Variants in ACTR3C observed in about 807,000 individuals in gnomAD.
ACTR3C encodes actin related protein 3C.
A neutral mutation model predicts 26.3 loss-of-function variants in ACTR3C; 18 were observed. That is an observed-to-expected ratio of 0.68 (90% confidence interval 0.47 to 1.01). ACTR3C has a LOEUF of 1.01. Ranked by LOEUF, ACTR3C falls within the 50% of genes least tolerant of loss-of-function variation. ACTR3C has a pLI of 0.00. For missense variants in ACTR3C, 184 were observed against 250.7 expected (o/e 0.73, Z 1.80); for synonymous variants, 55 against 94.5 (o/e 0.58, Z 2.42).
chr7:150,026,753 A>AG, the ACTR3C span, among the ~76,000 whole-genome samples: 1 of 152,126 alleles, frequency 6.6e-6, no homozygotes. Context: ...TATGTCATTC[A>AG]GGAAAAAAAA....
the ACTR3C span, among the ~76,000 whole-genome samples, chr7:150,175,131 C>A: frequency 1.4e-5 from 2 of 145,478 alleles, no homozygotes; most frequent in African/African-American, 2.8e-5. Context: ...ATGATTCTAG[C>A]AATTTAAAGT....
chr7:150,035,136 T>G, the ACTR3C span, among the ~76,000 whole-genome samples: 3 of 130,408 alleles, frequency 2.3e-5, no homozygotes, highest in East Asian at 2.3e-4. Flanking sequence ...CTAAGGATCT[T>G]AGGATCAACG....
chr7:150,205,085 A>G, the ACTR3C span, among the ~76,000 whole-genome samples: 1 of 152,222 alleles, frequency 6.6e-6, no homozygotes. Flanking sequence ...TGTAAATGAT[A>G]CTATTTGTGA....
the ACTR3C span, among the ~76,000 whole-genome samples, chr7:149,922,003 T>C: frequency 6.7e-6 from 1 of 150,054 alleles, no homozygotes; most frequent in Non-Finnish European, 1.5e-5. Flanking sequence ...CCATGATGGG[T>C]CCTTTCTGCT....
the ACTR3C span, among the ~76,000 whole-genome samples, chr7:150,043,998 T>A: frequency 6.6e-6 from 1 of 152,188 alleles, no homozygotes; most frequent in Non-Finnish European, 1.5e-5. Flanking sequence ...CTGGTGGACA[T>A]CATGGGTGGT....
At chr7:150,006,299 G>C in the ACTR3C span, among the ~76,000 whole-genome samples, 380 of 150,506 alleles carry the variant, frequency 2.5e-3, 1 homozygote, top group African/African-American at 5.0e-3. Flanking sequence ...TGGGTTCACA[G>C]CATTCTCCTG....
chr7:150,158,720 C>G, the ACTR3C span, among the ~76,000 whole-genome samples: 1 of 152,162 alleles, frequency 6.6e-6, no homozygotes, highest in African/African-American at 2.4e-5. Context: ...CTCTGCAGAT[C>G]TAATGTATAT....
the ACTR3C span, among the ~76,000 whole-genome samples, chr7:150,064,228 C>T: frequency 3.4e-5 from 5 of 147,752 alleles, no homozygotes; most frequent in East Asian, 2.0e-4. Context: ...GTAAGCAAGA[C>T]ATTTGAAGCT....
At chr7:150,220,720 G>C in the ACTR3C span, among the ~76,000 whole-genome samples, 2 of 152,282 alleles carry the variant, frequency 1.3e-5, no homozygotes, top group African/African-American at 2.4e-5. Context: ...GGGGAAACCC[G>C]CGAAAGCCAG....
the ACTR3C span, among the ~76,000 whole-genome samples, chr7:150,211,970 C>A: frequency 1.4e-5 from 2 of 146,248 alleles, no homozygotes; most frequent in South Asian, 4.2e-4. Context: ...TGCCTAAATG[C>A]CTTATGATCT....
chr7:150,000,045 C>T, the ACTR3C span, among the ~76,000 whole-genome samples: 1 of 148,584 alleles, frequency 6.7e-6, no homozygotes, highest in Non-Finnish European at 1.5e-5. Flanking sequence ...CTAGTATAGT[C>T]ATTATACTAT....
the ACTR3C span, among the ~76,000 whole-genome samples, chr7:150,088,676 A>G: frequency 6.6e-6 from 1 of 152,194 alleles, no homozygotes; most frequent in Admixed American, 6.5e-5. Context: ...TGTTTTTGAC[A>G]TTGTTATTGT....
At chr7:150,316,011 A>T (rs1448167089) in intron 1 of ACTR3C, among the ~76,000 whole-genome samples, 1 of 152,232 alleles carries the variant, frequency 6.6e-6, no homozygotes, top group African/African-American at 2.4e-5. Flanking sequence ...CAGCCTGACC[A>T]ACATGGAGAA....
the ACTR3C span, among the ~76,000 whole-genome samples, chr7:150,038,047 A>G: frequency 6.5e-5 from 9 of 137,728 alleles, 1 homozygote; most frequent in South Asian, 4.6e-4. Context: ...CATGGGGGGA[A>G]GAGGGGTTGG....
At chr7:150,040,995 A>G in the ACTR3C span, among the ~76,000 whole-genome samples, 1 of 150,604 alleles carries the variant, frequency 6.6e-6, no homozygotes, top group Admixed American at 6.6e-5. Flanking sequence ...AACCCTGTCT[A>G]GTTGTTTAGA....
chr7:150,114,252 G>T, the ACTR3C span, among the ~76,000 whole-genome samples: 1 of 152,058 alleles, frequency 6.6e-6, no homozygotes, highest in African/African-American at 2.4e-5. Flanking sequence ...ATGGTCCTCT[G>T]GTCCCTACTT....
chr7:150,259,586 C>A (rs1044420264), intron 6 of ACTR3C, among the ~76,000 whole-genome samples: 2 of 152,164 alleles, frequency 1.3e-5, no homozygotes, highest in African/African-American at 4.8e-5. Flanking sequence ...AGGCCTTTAA[C>A]CTGCTCCCAG....
chr7:149,881,640 C>T, the ACTR3C span: 2,052 of 152,692 alleles, frequency 0.013, 47 homozygotes, highest in African/African-American at 0.047. Context: ...TTGGAGCCAT[C>T]GGCATAAATA....
the ACTR3C span, among the ~76,000 whole-genome samples, chr7:149,943,453 T>C: frequency 6.6e-6 from 1 of 151,324 alleles, no homozygotes; most frequent in Non-Finnish European, 1.5e-5. Flanking sequence ...AAGGCCAGGC[T>C]CAGTGACTCA....
Sources: gnomAD v4.1 joint callset for allele counts (sites outside exome capture counted in the v4.1 genomes callset) on GRCh38, gnomAD v4.1.1 for gene constraint, MANE v1.5 for transcripts, NCBI Gene and HGNC (gene_info 2026-07-23, HGNC 2026-07-21) for gene names.